Variants in KCNC1 observed in about 807,000 individuals in gnomAD.
The protein encoded by KCNC1 is potassium voltage-gated channel subfamily C member 1.
Under a neutral mutation model 43.4 loss-of-function variants are expected in KCNC1, and 8 were observed. The observed-to-expected ratio is 0.18, with a 90% confidence interval of 0.11 to 0.33. The LOEUF is 0.33. Ranked by LOEUF, KCNC1 falls within the 10% of genes least tolerant of loss-of-function variation. KCNC1 has a pLI of 1.00. For missense variants in KCNC1, 420 were observed against 836.0 expected, an observed-to-expected ratio of 0.50 and a Z score of 6.14; for synonymous variants, 361 against 360.5, an observed-to-expected ratio of 1.00 and a Z score of -0.01.
At chr11:17,774,062 C>G (rs1250615216) in intron 2 of KCNC1, 2 of 985,434 alleles carry the variant, frequency 2.0e-6, no homozygotes, top group Non-Finnish European at 2.4e-6. Flanking sequence ...CTGGCCCGAG[C>G]ACTACCCTCA....
At chr11:17,764,422 A>G (rs1338080655) in intron 1 of KCNC1, among the ~76,000 whole-genome samples, 1 of 152,122 alleles carries the variant, frequency 6.6e-6, no homozygotes, top group Non-Finnish European at 1.5e-5. Flanking sequence ...TGAATCACAT[A>G]CAGCACACGT....
rs964301456 is a variant in KCNC1 at position 17,735,086 on chromosome 11, C to G, written c.-917C>G. The G allele has an allele frequency of 2.0e-4, 31 of 152,262 alleles. No homozygotes were observed. The highest frequency in any genetic ancestry group is 6.5e-4 in the African/African-American group (27 of 41,534). The allele number at this position is 152,262 out of a possible 1,614,324, so 9.4% of individuals were successfully genotyped here. ...AGCCAGGAGAACCCCCGCCTGGCCC[C>G]GTGCAGCTCCGCGACCGCCGGGAGC... On this transcript the variant is annotated 5_prime_UTR_variant, in exon 1 of 4. Coordinates refer to ENST00000265969, the MANE Select transcript of KCNC1 (RefSeq NM_001112741.2). The surrounding 1 kb of genome is among the most constrained non-coding windows in gnomAD (Gnocchi z 6.7).
chr11:17,759,485 A>T (rs755807060), intron 1 of KCNC1, among the ~76,000 whole-genome samples: 1 of 152,194 alleles, frequency 6.6e-6, no homozygotes, highest in Non-Finnish European at 1.5e-5. Context: ...CAAGAGGCCT[A>T]GCTTTTGGCC....
At position 17,739,362 on chromosome 11, in the gene KCNC1, CGTGTGTGTGTGTGT is replaced by C. The variant is rs35211986; in HGVS notation, c.570+2814_570+2827del. Among the ~76,000 whole-genome samples, 80,638 of 149,380 alleles carry C rather than the reference CGTGTGTGTGTGTGT, an allele frequency of 0.54. 23,956 individuals carry two copies. The highest frequency in any genetic ancestry group is 0.66 in the Non-Finnish European group (44,792 of 67,364). On this transcript the variant is annotated intron_variant, in intron 1 of 3. Transcript: ENST00000265969. This position sits in a 1 kb window ranked among gnomAD's most constrained non-coding sequence, Gnocchi z 4.2. ...GTGAGAATAAATGTGAGACTCCAGG[CGTGTGTGTGTGTGT>C]GTGTGTGTGTGTGTGTGTGTGTGGT... is the stretch of plus-strand genomic sequence containing the variant.
chr11:17,740,339 A>G (rs994659583), intron 1 of KCNC1, among the ~76,000 whole-genome samples: 9 of 152,090 alleles, frequency 5.9e-5, no homozygotes, highest in Admixed American at 2.0e-4. Context: ...TGGAGAGGCT[A>G]TGAAGGGATT....
At chr11:17,765,033 C>T (rs1177206730) in intron 1 of KCNC1, among the ~76,000 whole-genome samples, 2 of 152,212 alleles carry the variant, frequency 1.3e-5, no homozygotes, top group African/African-American at 4.8e-5. Flanking sequence ...TGGATGTCAG[C>T]CAGGGCTCCC....
At chr11:17,769,432 AAAG>A (rs550794260) in intron 1 of KCNC1, among the ~76,000 whole-genome samples, 55 of 151,974 alleles carry the variant, frequency 3.6e-4, no homozygotes, top group African/African-American at 1.3e-3. Context: ...GGGAGAGAGA[AAAG>A]AAGGGAGGGA....
chr11:17,746,387 C>T (rs1054488972), intron 1 of KCNC1, among the ~76,000 whole-genome samples: 6 of 152,216 alleles, frequency 3.9e-5, no homozygotes, highest in Non-Finnish European at 8.8e-5. Flanking sequence ...GGCCACGAAA[C>T]TGTTTTCCAA....
intron 1 of KCNC1, among the ~76,000 whole-genome samples, chr11:17,769,902 C>T (rs964981791): frequency 1.3e-4 from 20 of 152,152 alleles, no homozygotes; most frequent in Admixed American, 7.2e-4. Context: ...CTCAGCTCCC[C>T]GTTCGTAGCA....
intron 1 of KCNC1, among the ~76,000 whole-genome samples, chr11:17,752,463 C>G (rs528413673): frequency 3.5e-4 from 54 of 152,356 alleles, no homozygotes; most frequent in Non-Finnish European, 2.5e-4. Flanking sequence ...AACGTCTTCC[C>G]ATAAAAAAGC....
chr11:17,770,511 C>A (rs1032472884), intron 1 of KCNC1, among the ~76,000 whole-genome samples: 6 of 152,202 alleles, frequency 3.9e-5, no homozygotes, highest in Admixed American at 3.9e-4. Flanking sequence ...GAGAAGAGAC[C>A]TTGCCCCAGA....
At chr11:17,761,586 T>C (rs554637483) in intron 1 of KCNC1, among the ~76,000 whole-genome samples, 1 of 152,324 alleles carries the variant, frequency 6.6e-6, no homozygotes, top group South Asian at 2.1e-4. Flanking sequence ...CATAGGCATA[T>C]GGTTCGTGGC....
Position 17,781,364 on chromosome 11 carries a change from C to T in KCNC1, c.1694-306C>T. ...CCTACATCCATTCGGCCCGCGCTCT[C>T]ATGGAGCCACGACAGCCGCCGAGGA... On this transcript the variant is annotated intron_variant, in intron 3 of 3. Coordinates refer to ENST00000265969, the MANE Select transcript of KCNC1 (RefSeq NM_001112741.2). The surrounding 1 kb of genome is among the most constrained non-coding windows in gnomAD (Gnocchi z 5.1). The T allele has an allele frequency of 2.8e-6, 1 of 352,904 alleles. No homozygotes were observed. Among genetic ancestry groups the T allele is most frequent in the Non-Finnish European group, 5.2e-6 (1 of 193,852 alleles). 21.9% of individuals were successfully genotyped at this position (352,904 alleles called of 1,614,324 possible).
intron 1 of KCNC1, among the ~76,000 whole-genome samples, chr11:17,762,884 G>C (rs775038109): frequency 2.6e-5 from 4 of 152,176 alleles, no homozygotes; most frequent in African/African-American, 4.8e-5. Flanking sequence ...TCAGTGCTCT[G>C]GTCTTCTAAT....
rs887030573 is a variant in KCNC1 at position 17,777,740 on chromosome 11, C to T, written c.1505-1716C>T. On this transcript the variant is annotated intron_variant, in intron 2 of 3. Coordinates refer to ENST00000265969, the MANE Select transcript of KCNC1 (RefSeq NM_001112741.2). The surrounding 1 kb of genome is among the most constrained non-coding windows in gnomAD (Gnocchi z 4.3). ...ACGTGAAATGCTTTGCCATCTTGTA[C>T]GAAAGACTTTTTTTTTAAGTTCCAA... 5.1e-5 allele frequency: 50 copies of T among 985,916 alleles called. No homozygotes were observed. The highest frequency in any genetic ancestry group is 2.3e-4 in the East Asian group (2 of 8,816). The allele number at this position is 985,916 out of a possible 1,614,324, so 61.1% of individuals were successfully genotyped here. A position where few individuals can be genotyped will look rare whatever the true frequency, so the allele number is the denominator to read the frequency against.
rs1849253382 is a variant in KCNC1 at position 17,773,414 on chromosome 11, A to C, written c.1504+816A>C. On this transcript the variant is annotated intron_variant, in intron 2 of 3. Coordinates refer to ENST00000265969, the MANE Select transcript of KCNC1 (RefSeq NM_001112741.2). The surrounding 1 kb of genome is among the most constrained non-coding windows in gnomAD (Gnocchi z 4.1). ...GAGCAAAAGACTAGAGGGGGCCACCACCCTGGGCAGCTTAGATGAAAGCGC... is the reference window on the plus strand; with the variant it reads ...GAGCAAAAGACTAGAGGGGGCCACCCCCCTGGGCAGCTTAGATGAAAGCGC... The C allele has an allele frequency of 1.0e-6, 1 of 985,204 alleles. No individual in the cohort carries two copies. Among genetic ancestry groups the C allele is most frequent in the African/African-American group, 1.7e-5 (1 of 57,170 alleles). 61.0% of individuals were successfully genotyped at this position (985,204 alleles called of 1,614,324 possible).
At chr11:17,769,029 C>G (rs943482384) in intron 1 of KCNC1, among the ~76,000 whole-genome samples, 5 of 152,270 alleles carry the variant, frequency 3.3e-5, no homozygotes, top group African/African-American at 1.2e-4. Context: ...TGGTCTACCT[C>G]TGTTGTGCTC....
intron 1 of KCNC1, among the ~76,000 whole-genome samples, chr11:17,768,616 G>GA (rs942994836): frequency 6.6e-6 from 1 of 151,046 alleles, no homozygotes; most frequent in Admixed American, 6.6e-5. Flanking sequence ...TGTTGGTGGG[G>GA]GGGGGGGCGG....
At chr11:17,744,155 A>G (rs1459671363) in intron 1 of KCNC1, among the ~76,000 whole-genome samples, 1 of 152,168 alleles carries the variant, frequency 6.6e-6, no homozygotes, top group Non-Finnish European at 1.5e-5. Context: ...TTCATCCTGC[A>G]GTTTTTCCAC....
Sources: gnomAD v4.1 joint callset for allele counts (sites outside exome capture counted in the v4.1 genomes callset) on GRCh38, gnomAD v4.1.1 for gene constraint, Gnocchi (gnomAD v3.1) non-coding constraint, MANE v1.5 for transcripts, NCBI Gene and HGNC (gene_info 2026-07-23, HGNC 2026-07-21) for gene names.